The following RABGAP1L variants were observed in gnomAD, a reference collection of about 807,000 sequenced individuals.
The protein encoded by RABGAP1L is rab GTPase-activating protein 1-like.
A neutral mutation model predicts 137.7 loss-of-function variants in RABGAP1L; 63 were observed. The observed-to-expected ratio is 0.46, with a 90% confidence interval of 0.37 to 0.56. The LOEUF is 0.56. Ranked by LOEUF, RABGAP1L falls within the 20% of genes least tolerant of loss-of-function variation. RABGAP1L has a pLI of 0.00. For synonymous variants in RABGAP1L, 431 were observed against 433.7 expected (o/e 0.99, Z 0.08); for missense variants, 1,095 against 1,244.0 (o/e 0.88, Z 1.80).
At chr1:174,635,657 A>G (rs1331449752) in intron 13 of RABGAP1L, among the ~76,000 whole-genome samples, 2 of 152,144 alleles carry the variant, frequency 1.3e-5, no homozygotes, top group East Asian at 3.9e-4. Flanking sequence ...ATTTTAATTC[A>G]GGTTTAGCAT....
chr1:174,615,147 A>G (rs1023879924), intron 13 of RABGAP1L, among the ~76,000 whole-genome samples: 1 of 152,178 alleles, frequency 6.6e-6, no homozygotes, highest in African/African-American at 2.4e-5. Flanking sequence ...GGAGGAGAAG[A>G]GGTGCTCTGC....
chr1:174,748,928 G>A (rs1261148787), intron 17 of RABGAP1L, among the ~76,000 whole-genome samples: 5 of 151,778 alleles, frequency 3.3e-5, no homozygotes, highest in Non-Finnish European at 5.9e-5. Context: ...TGTAATCCCG[G>A]CACTTTGGGA....
chr1:174,676,209 A>G (rs1354735264), intron 14 of RABGAP1L, among the ~76,000 whole-genome samples: 6 of 152,170 alleles, frequency 3.9e-5, no homozygotes, highest in Non-Finnish European at 7.3e-5. Context: ...ATAGACCTGT[A>G]TATTGTTGAG....
At chr1:174,664,588 A>G (rs1362089264) in intron 14 of RABGAP1L, among the ~76,000 whole-genome samples, 1 of 152,042 alleles carries the variant, frequency 6.6e-6, no homozygotes, top group East Asian at 1.9e-4. Context: ...TGAACCTACA[A>G]CTTAGGAAAT....
intron 13 of RABGAP1L, among the ~76,000 whole-genome samples, chr1:174,547,148 CAG>C: frequency 6.8e-6 from 1 of 147,614 alleles, no homozygotes; most frequent in Non-Finnish European, 1.5e-5. Flanking sequence ...TAAAATTAAA[CAG>C]ACCTGTATTC....
intron 19 of RABGAP1L, among the ~76,000 whole-genome samples, chr1:174,854,715 C>CTTTTTTTTTTTTTTTTTTTTTTTTTTTT (rs71117584): frequency 1.1e-4 from 6 of 56,870 alleles, no homozygotes; most frequent in African/African-American, 2.2e-4. Context: ...AATATAAATG[C>CTTTTTTTTTTTTTTTTTTTTTTTTTTTT]TTTTTTTTTT....
chr1:174,198,210 T>C (rs951835755), intron 1 of RABGAP1L, among the ~76,000 whole-genome samples: 2 of 152,212 alleles, frequency 1.3e-5, no homozygotes, highest in Non-Finnish European at 2.9e-5. Flanking sequence ...ATTGTTACTT[T>C]TCTTGATTTT....
chr1:174,506,887 T>C (rs1216409199), intron 13 of RABGAP1L, among the ~76,000 whole-genome samples: 1 of 152,134 alleles, frequency 6.6e-6, no homozygotes, highest in African/African-American at 2.4e-5. Context: ...TGTGGTTGGA[T>C]TGCTTGAGCT....
chr1:174,749,573 G>A (rs1243133236), intron 17 of RABGAP1L, among the ~76,000 whole-genome samples: 2 of 151,968 alleles, frequency 1.3e-5, no homozygotes, highest in African/African-American at 4.8e-5. Context: ...ATTGGCAATT[G>A]GTTGAAAGAG....
At position 174,551,014 on chromosome 1, in the gene RABGAP1L, A is replaced by ATATATG. The variant is rs1558334576; in HGVS notation, c.1711-86356_1711-86355insGTATAT. Among the ~76,000 whole-genome samples the ATATATG allele has an allele frequency of 3.8e-4, 49 of 128,548 alleles. 1 individual carries two copies. The highest frequency in any genetic ancestry group is 1.6e-3 in the African/African-American group (47 of 29,578). 84.3% of individuals were successfully genotyped at this position (128,548 alleles called of 152,430 possible). On this transcript the variant is annotated intron_variant, in intron 13 of 25. Transcript: ENST00000681986. ...TATATATACACATATATATATATAT[A>ATATATG]TATATATACATACACACACACACAT... is the stretch of plus-strand genomic sequence containing the variant.
intron 14 of RABGAP1L, among the ~76,000 whole-genome samples, chr1:174,664,170 G>A (rs535848807): frequency 1.3e-5 from 2 of 152,128 alleles, no homozygotes; most frequent in African/African-American, 4.8e-5. Context: ...GAGCCTAGCC[G>A]TCTATTATCC....
intron 1 of RABGAP1L, among the ~76,000 whole-genome samples, chr1:174,160,691 A>G (rs536663908): frequency 6.6e-6 from 1 of 152,334 alleles, no homozygotes; most frequent in South Asian, 2.1e-4. Flanking sequence ...GGGATTTTTA[A>G]TACATTTAAA....
In RABGAP1L at chr1:174,986,582, C is replaced by T. The variant is rs1277816547; in HGVS notation, c.2806-2059C>T. On this transcript the variant is annotated intron_variant, in intron 24 of 25. Coordinates refer to ENST00000681986, the MANE Select transcript of RABGAP1L (RefSeq NM_001366446.1). Reference sequence around the variant, plus strand: ...GACTGCAGCTCTGTCAAACTTATTGCTCTATCTTTGACATGTAGCACGAGG... The same window carrying T: ...GACTGCAGCTCTGTCAAACTTATTGTTCTATCTTTGACATGTAGCACGAGG... Among the ~76,000 whole-genome samples the T allele has an allele frequency of 7.2e-5, 11 of 152,216 alleles. No homozygotes were observed. The East Asian group carries it at 1.2e-3, about 16-fold the overall frequency.
intron 17 of RABGAP1L, among the ~76,000 whole-genome samples, chr1:174,728,430 C>G (rs1267638788): frequency 1.3e-5 from 2 of 152,064 alleles, no homozygotes; most frequent in African/African-American, 4.8e-5. Flanking sequence ...TGAAAGATCT[C>G]TACAAGGAGA....
chr1:174,804,281 G>GTTTTTTTTTTGT lies in RABGAP1L; in HGVS notation c.2212-7541_2212-7540insGTTTTTTTTTTT, dbSNP rs1553254978. Among the ~76,000 whole-genome samples, 337 of 139,242 alleles carry GTTTTTTTTTTGT rather than the reference G, an allele frequency of 2.4e-3. 3 individuals carry two copies. The highest frequency in any genetic ancestry group is 3.7e-3 in the Non-Finnish European group (236 of 63,622). The allele number at this position is 139,242 out of a possible 152,430, so 91.3% of individuals were successfully genotyped here. On this transcript the variant is annotated intron_variant, in intron 18 of 25. Transcript: ENST00000681986. ...TTTGTTTTGTTTTGTTTTGTTTTTT[G>GTTTTTTTTTTGT]TTTTTTTTTTTGAGATAGGGTTTCA...
chr1:174,503,509 A>G (rs1485291906), intron 13 of RABGAP1L, among the ~76,000 whole-genome samples: 1 of 151,948 alleles, frequency 6.6e-6, no homozygotes, highest in East Asian at 1.9e-4. Flanking sequence ...AAAATACAAA[A>G]AATTAGCCAG....
At chr1:174,741,896 A>T (rs1683444950) in intron 17 of RABGAP1L, among the ~76,000 whole-genome samples, 1 of 144,158 alleles carries the variant, frequency 6.9e-6, no homozygotes. Flanking sequence ...AAAATTAGCC[A>T]GGCATGGTGG....
intron 13 of RABGAP1L, among the ~76,000 whole-genome samples, chr1:174,597,365 A>T (rs1670032378): frequency 6.6e-6 from 1 of 151,938 alleles, no homozygotes; most frequent in South Asian, 2.1e-4. Flanking sequence ...TTGATAGGAG[A>T]CTTTTTATTA....
rs763314127 is a variant in RABGAP1L, at chr1:174,348,100, C to T, written c.1466-22879C>T. Reference sequence around the variant, plus strand: ...ATTCTCTTTCTTCCTATCTTCCTTTCTGTGAAGGTTATTTTTTTTGGTGGT... The same window carrying T: ...ATTCTCTTTCTTCCTATCTTCCTTTTTGTGAAGGTTATTTTTTTTGGTGGT... On this transcript the variant is annotated intron_variant, in intron 11 of 25. Coordinates refer to ENST00000681986, the MANE Select transcript of RABGAP1L (RefSeq NM_001366446.1). Among the ~76,000 whole-genome samples the T allele has an allele frequency of 4.1e-4, 62 of 151,700 alleles. 1 individual carries two copies. The highest frequency in any genetic ancestry group is 7.2e-4 in the Non-Finnish European group (49 of 67,900).
Sources: allele counts gnomAD v4.1 joint callset (sites outside exome capture counted in the v4.1 genomes callset), GRCh38; gene constraint gnomAD v4.1.1; transcripts MANE v1.5; gene names NCBI Gene and HGNC (gene_info 2026-07-23, HGNC 2026-07-21).